Variants in SOBP observed in about 807,000 individuals in gnomAD.
SOBP encodes sine oculis binding protein homolog.
SOBP carries 4 observed loss-of-function variants against 53.6 expected under a neutral mutation model. The observed-to-expected ratio is 0.07, with a 90% CI of 0.04 to 0.17. The LOEUF is 0.17. Ranked by LOEUF, SOBP falls within the 10% of genes least tolerant of loss-of-function variation. SOBP has a pLI of 1.00. For missense variants in SOBP, 1,088 were observed against 1,204.7 expected (o/e 0.90, Z 1.43); for synonymous variants, 584 against 522.6 (o/e 1.12, Z -1.60).
chr6:107,540,554 A>G lies in SOBP; in HGVS notation c.573+6944A>G, dbSNP rs143345676. ...CTTTGGAGGTTACAAACATCAGTCT[A>G]TTGCATTCTCTGTAAACACAGGCTG... On this transcript the variant is annotated intron_variant, in intron 4 of 6. Transcript: ENST00000317357. 5.3e-3 allele frequency among the ~76,000 whole-genome samples: 804 copies of G among 152,342 alleles called. 7 individuals carry two copies. The highest frequency in any genetic ancestry group is 0.018 in the African/African-American group (761 of 41,576).
At chr6:107,509,258 G>A (rs1252176918) in intron 3 of SOBP, among the ~76,000 whole-genome samples, 1 of 152,068 alleles carries the variant, frequency 6.6e-6, no homozygotes, top group Non-Finnish European at 1.5e-5. Context: ...GCTGGGCATG[G>A]TGGCACATGC....
chr6:107,533,468 T>C lies in SOBP; in HGVS notation c.431T>C (p.Val144Ala). ...TATACTTTTATTATAGAAGATGATGTGTCAAATGTACAAATAATGTGTGCC... is the reference window on the plus strand; with the variant it reads ...TATACTTTTATTATAGAAGATGATGCGTCAAATGTACAAATAATGTGTGCC... ...PFIKPPAEDD[V>A]SNVQIMCAWC... The change falls in exon 4 of 7, where the codon GTG becomes GCG. Residue 144 changes from valine (V) to alanine (A), a missense_variant. This residue lies in a region of SOBP where 112 missense variants were observed against 117.9 expected (regional missense o/e 0.95). Coordinates refer to ENST00000317357, the MANE Select transcript of SOBP (RefSeq NM_018013.4). The C allele has an allele frequency of 6.2e-7, 1 of 1,614,090 alleles. No homozygotes were observed.
chr6:107,509,024 C>T (rs1583155493), intron 3 of SOBP, among the ~76,000 whole-genome samples: 1 of 152,294 alleles, frequency 6.6e-6, no homozygotes, highest in East Asian at 1.9e-4. Flanking sequence ...CATAAGCTCT[C>T]TTCACTTCAG....
chr6:107,631,651 C>T (rs563632086), intron 5 of SOBP, among the ~76,000 whole-genome samples: 4 of 152,214 alleles, frequency 2.6e-5, no homozygotes, highest in East Asian at 1.9e-4. Context: ...AACACTATAG[C>T]GAAACACAGG....
At chr6:107,550,313 C>T (rs185308786) in intron 4 of SOBP, among the ~76,000 whole-genome samples, 2 of 152,102 alleles carry the variant, frequency 1.3e-5, no homozygotes, top group East Asian at 1.9e-4. Flanking sequence ...GGCTGGGTGC[C>T]GTGGAAATTA....
chr6:107,553,952 T>C (rs958277683), intron 4 of SOBP, among the ~76,000 whole-genome samples: 1 of 152,202 alleles, frequency 6.6e-6, no homozygotes, highest in Non-Finnish European at 1.5e-5. Flanking sequence ...TCAGCTCCCA[T>C]CTTCTCTTCT....
intron 6 of SOBP, among the ~76,000 whole-genome samples, chr6:107,646,347 A>G (rs1224987495): frequency 6.6e-5 from 10 of 152,228 alleles, no homozygotes; most frequent in Admixed American, 6.5e-4. Context: ...CCATTCCAGG[A>G]TCTAAAGAAG....
intron 4 of SOBP, among the ~76,000 whole-genome samples, chr6:107,554,544 A>G (rs2115016382): frequency 6.6e-6 from 1 of 152,340 alleles, no homozygotes; most frequent in African/African-American, 2.4e-5. Context: ...TGAAATTTCT[A>G]GATGAAGGCA....
chr6:107,554,898 G>C (rs1784565304), intron 4 of SOBP, among the ~76,000 whole-genome samples: 1 of 152,176 alleles, frequency 6.6e-6, no homozygotes, highest in African/African-American at 2.4e-5. Flanking sequence ...TATTCTGTGA[G>C]CCTGGCTGGG....
intron 2 of SOBP, 93 bp downstream of exon 2, chr6:107,503,888 C>T: frequency 2.0e-6 from 3 of 1,465,458 alleles, no homozygotes; most frequent in South Asian, 1.1e-5. Flanking sequence ...AATTGAGTTG[C>T]TTTGTTGATT....
At chr6:107,490,801 G>A (rs1782560517) in intron 1 of SOBP, 89 bp downstream of exon 1, 6 of 1,016,238 alleles carry the variant, frequency 5.9e-6, no homozygotes, top group Admixed American at 4.0e-5. Context: ...GGGGTACCGG[G>A]GCGCGCTTGT....
intron 1 of SOBP, among the ~76,000 whole-genome samples, chr6:107,494,112 C>T (rs1782642953): frequency 6.6e-6 from 1 of 151,998 alleles, no homozygotes. Flanking sequence ...CTGGTTTTTC[C>T]TGATTAGAAA....
At chr6:107,586,365 C>T (rs532422474) in intron 4 of SOBP, among the ~76,000 whole-genome samples, 1 of 152,266 alleles carries the variant, frequency 6.6e-6, no homozygotes, top group Admixed American at 6.5e-5. Context: ...TCTCCCACTC[C>T]AAACCAGAAA....
chr6:107,647,663 C>T (rs1395850670), intron 6 of SOBP, among the ~76,000 whole-genome samples: 1 of 152,012 alleles, frequency 6.6e-6, no homozygotes, highest in Non-Finnish European at 1.5e-5. Context: ...GAGACTGCAA[C>T]AAAGAGAGCG....
At chr6:107,581,565 C>G (rs148544984) in intron 4 of SOBP, among the ~76,000 whole-genome samples, 198 of 152,274 alleles carry the variant, frequency 1.3e-3, no homozygotes, top group African/African-American at 4.6e-3. Flanking sequence ...ACCTTTAGTT[C>G]AAGTTCACAA....
chr6:107,493,465 G>A (rs1161902787), intron 1 of SOBP, among the ~76,000 whole-genome samples: 1 of 152,200 alleles, frequency 6.6e-6, no homozygotes, highest in African/African-American at 2.4e-5. Flanking sequence ...AAGTCAGCCT[G>A]GGAAGTGGAG....
intron 6 of SOBP, among the ~76,000 whole-genome samples, chr6:107,645,265 G>A (rs1583307361): frequency 6.6e-6 from 1 of 152,222 alleles, no homozygotes. Flanking sequence ...TACAATCTGC[G>A]AAACTTAATA....
At position 107,512,739 on chromosome 6, in the gene SOBP, T is replaced by C. The variant is rs576408597; in HGVS notation, c.421+6312T>C. Among the ~76,000 whole-genome samples, 11 of 152,346 alleles carry C rather than the reference T, an allele frequency of 7.2e-5. 2 individuals carry two copies. Among genetic ancestry groups the C allele is most frequent in the African/African-American group, 2.4e-4 (10 of 41,582 alleles). On this transcript the variant is annotated intron_variant, in intron 3 of 6. Coordinates refer to ENST00000317357, the MANE Select transcript of SOBP (RefSeq NM_018013.4). ...CAACATTTTGCTCCCAAAATTTTTT[T>C]TTTAAATTAATAAAACTATTAGTGT...
chr6:107,649,107 A>T (rs1365750510), intron 6 of SOBP, among the ~76,000 whole-genome samples: 3 of 139,878 alleles, frequency 2.1e-5, no homozygotes, highest in East Asian at 2.2e-4. Flanking sequence ...AGCTATGATC[A>T]TGCAGCTGTC....
Sources: gnomAD v4.1 joint callset for allele counts (sites outside exome capture counted in the v4.1 genomes callset) on GRCh38, gnomAD v4.1.1 for gene constraint, gnomAD v4.1.1 regional missense constraint, MANE v1.5 for transcripts, NCBI Gene and HGNC (gene_info 2026-07-23, HGNC 2026-07-21) for gene names.